PRP4K: variants seen among roughly 807,000 people sequenced by gnomAD.
PRP4K encodes serine/threonine-protein kinase PRP4 homolog.
the PRP4K span, among the ~76,000 whole-genome samples, chr6:4,053,692 T>A: frequency 6.6e-6 from 1 of 152,128 alleles, no homozygotes; most frequent in African/African-American, 2.4e-5. Context: ...GGCCTTCAGT[T>A]TGGGTCGTGT....
At chr6:4,053,243 A>G in the PRP4K span, among the ~76,000 whole-genome samples, 7 of 152,190 alleles carry the variant, frequency 4.6e-5, no homozygotes, top group African/African-American at 1.4e-4. Context: ...TGCTAATTTT[A>G]TAGCTCCCTA....
chr6:4,027,384 G>A, the PRP4K span, among the ~76,000 whole-genome samples: 8 of 152,200 alleles, frequency 5.3e-5, no homozygotes, highest in Admixed American at 3.9e-4. Context: ...TGAGGAAACC[G>A]AGGCACAGAA....
the PRP4K span, among the ~76,000 whole-genome samples, chr6:4,023,989 C>A: frequency 6.6e-6 from 1 of 151,908 alleles, no homozygotes. Context: ...GCCTCAGCCT[C>A]CCGAGTAGCT....
the PRP4K span, chr6:4,058,876 C>T: frequency 6.3e-6 from 8 of 1,266,228 alleles, no homozygotes; most frequent in East Asian, 7.3e-5. Context: ...CTAAATCATA[C>T]GAGCTGGTGA....
At chr6:4,049,053 T>A in the PRP4K span, 2 of 1,613,070 alleles carry the variant, frequency 1.2e-6, no homozygotes, top group Non-Finnish European at 1.7e-6. Flanking sequence ...GGAAAAGATT[T>A]CAAAGAGAAT....
the PRP4K span, among the ~76,000 whole-genome samples, chr6:4,022,496 A>G: frequency 4.7e-5 from 7 of 148,656 alleles, no homozygotes; most frequent in African/African-American, 1.7e-4. Context: ...TTGCATCTGC[A>G]CTGTCTGATC....
the PRP4K span, among the ~76,000 whole-genome samples, chr6:4,021,865 C>T: frequency 0.038 from 5,783 of 152,268 alleles, 179 homozygotes; most frequent in East Asian, 0.099. Flanking sequence ...TGGCAGCAGG[C>T]GGGCCAAGCC....
At chr6:4,032,451 A>G in the PRP4K span, 7 of 1,614,188 alleles carry the variant, frequency 4.3e-6, no homozygotes, top group South Asian at 6.6e-5. Context: ...GTCCAAAGAG[A>G]GAAAATCAAA....
the PRP4K span, chr6:4,021,516 A>G: frequency 6.4e-7 from 1 of 1,559,742 alleles, no homozygotes; most frequent in South Asian, 1.2e-5. Flanking sequence ...GGGACTGCCG[A>G]GTGGGAGCTG....
the PRP4K span, among the ~76,000 whole-genome samples, chr6:4,059,142 C>T: frequency 6.6e-6 from 1 of 152,096 alleles, no homozygotes; most frequent in African/African-American, 2.4e-5. Flanking sequence ...TGGTCATGTT[C>T]CTATCCCTGC....
At chr6:4,021,477 T>C in the PRP4K span, 9 of 1,577,812 alleles carry the variant, frequency 5.7e-6, no homozygotes, top group Admixed American at 1.9e-5. Context: ...GTAAGTAGTC[T>C]CTGTGAGTGG....
the PRP4K span, chr6:4,052,982 A>G: frequency 2.0e-6 from 2 of 1,023,090 alleles, no homozygotes; most frequent in Non-Finnish European, 2.7e-6. Context: ...ATAGTTCAGT[A>G]TATTAATAAC....
chr6:4,040,841 G>A, the PRP4K span: 4 of 1,614,016 alleles, frequency 2.5e-6, no homozygotes, highest in East Asian at 2.2e-5. Flanking sequence ...GTAGACGAAG[G>A]AGCAGAAGCA....
At chr6:4,029,339 ATT>A in the PRP4K span, among the ~76,000 whole-genome samples, 331 of 117,486 alleles carry the variant, frequency 2.8e-3, 1 homozygote, top group Middle Eastern at 5.3e-3. Flanking sequence ...GTGTTACTCA[ATT>A]TTTTTTTTTT....
chr6:4,056,193 A>G, the PRP4K span: 6 of 634,262 alleles, frequency 9.5e-6, no homozygotes, highest in Non-Finnish European at 1.6e-5. Flanking sequence ...ATAGAAAAGG[A>G]ATTTTTAAAT....
At chr6:4,052,252 T>TTTG in the PRP4K span, among the ~76,000 whole-genome samples, 11,782 of 151,696 alleles carry the variant, frequency 0.078, 538 homozygotes, top group African/African-American at 0.12. Context: ...ACAGCTAGTC[T>TTTG]TTGTTGTTGT....
the PRP4K span, among the ~76,000 whole-genome samples, chr6:4,036,265 A>G: frequency 1.3e-5 from 2 of 152,108 alleles, no homozygotes; most frequent in African/African-American, 4.8e-5. Context: ...TCTGTCACCC[A>G]GGCTGGAGTG....
the PRP4K span, among the ~76,000 whole-genome samples, chr6:4,043,296 A>G: frequency 1.3e-5 from 2 of 152,198 alleles, no homozygotes; most frequent in Non-Finnish European, 2.9e-5. Context: ...CACTGGTAAA[A>G]TTGTAGTTAA....
the PRP4K span, chr6:4,037,508 G>A: frequency 1.2e-6 from 2 of 1,613,842 alleles, no homozygotes; most frequent in African/African-American, 2.7e-5. Flanking sequence ...TTAGAAGGAG[G>A]TCTCGTTCCC....
Sources: allele counts gnomAD v4.1 joint callset (sites outside exome capture counted in the v4.1 genomes callset), GRCh38; gene constraint gnomAD v4.1.1; transcripts MANE v1.5; gene names NCBI Gene and HGNC (gene_info 2026-07-23, HGNC 2026-07-21).